Variants in SLC35D4 observed in about 807,000 individuals in gnomAD.
The protein encoded by SLC35D4 is UDP-N-acetylglucosamine transporter SLC35D4.
chr18:23,286,931 C>A, the SLC35D4 span, among the ~76,000 whole-genome samples: 2 of 151,576 alleles, frequency 1.3e-5, no homozygotes, highest in Non-Finnish European at 2.9e-5. Flanking sequence ...CTCTTGTATC[C>A]CCCCACCTTA....
chr18:23,319,787 A>G, the SLC35D4 span, among the ~76,000 whole-genome samples: 1 of 152,250 alleles, frequency 6.6e-6, no homozygotes, highest in Non-Finnish European at 1.5e-5. Flanking sequence ...GGCCAGATGC[A>G]TAAAATAAAA....
chr18:23,422,570 G>T, the SLC35D4 span, among the ~76,000 whole-genome samples: 1 of 152,036 alleles, frequency 6.6e-6, no homozygotes, highest in Non-Finnish European at 1.5e-5. Flanking sequence ...TCCCTTAACT[G>T]GTCCCCCTCT....
the SLC35D4 span, among the ~76,000 whole-genome samples, chr18:23,243,100 ATATC>A: frequency 2.6e-5 from 4 of 151,514 alleles, no homozygotes; most frequent in East Asian, 1.9e-4. Flanking sequence ...AACTATATAT[ATATC>A]TATTTCCATT....
the SLC35D4 span, among the ~76,000 whole-genome samples, chr18:23,412,697 G>T: frequency 6.6e-6 from 1 of 152,166 alleles, no homozygotes; most frequent in Non-Finnish European, 1.5e-5. Flanking sequence ...TTTAGAGATG[G>T]AGTCAAAGAA....
chr18:23,295,143 A>C, the SLC35D4 span, among the ~76,000 whole-genome samples: 1 of 151,514 alleles, frequency 6.6e-6, no homozygotes, highest in East Asian at 1.9e-4. Context: ...AAAGTTTGAC[A>C]TCCTAGATGA....
chr18:23,272,942 C>A, the SLC35D4 span, among the ~76,000 whole-genome samples: 1 of 152,204 alleles, frequency 6.6e-6, no homozygotes. Context: ...CCACCTCAGA[C>A]CAAACTTCCA....
At chr18:23,389,375 C>T in the SLC35D4 span, among the ~76,000 whole-genome samples, 7 of 152,054 alleles carry the variant, frequency 4.6e-5, no homozygotes, top group Non-Finnish European at 7.4e-5. Flanking sequence ...AAACCTATGC[C>T]TTTTTTAAAA....
chr18:23,346,607 G>A, the SLC35D4 span, among the ~76,000 whole-genome samples: 18 of 150,654 alleles, frequency 1.2e-4, no homozygotes, highest in African/African-American at 4.4e-4. Context: ...ACATTCTTAT[G>A]TTGCTCCTGA....
chr18:23,348,058 A>C, the SLC35D4 span, among the ~76,000 whole-genome samples: 2 of 152,198 alleles, frequency 1.3e-5, no homozygotes, highest in African/African-American at 4.8e-5. Flanking sequence ...ATTTGATTGA[A>C]AAATTTTAAT....
At chr18:23,363,909 T>C in the SLC35D4 span, among the ~76,000 whole-genome samples, 3 of 152,208 alleles carry the variant, frequency 2.0e-5, no homozygotes, top group Non-Finnish European at 4.4e-5. Flanking sequence ...ACAGCCAACC[T>C]TGGAGTTTTG....
the SLC35D4 span, among the ~76,000 whole-genome samples, chr18:23,413,832 T>A: frequency 6.6e-6 from 1 of 151,616 alleles, no homozygotes; most frequent in African/African-American, 2.4e-5. Flanking sequence ...TAGCCCCAGC[T>A]ACTTGGGAGA....
chr18:23,272,433 A>G, the SLC35D4 span, among the ~76,000 whole-genome samples: 2 of 152,208 alleles, frequency 1.3e-5, no homozygotes, highest in Non-Finnish European at 2.9e-5. Flanking sequence ...CAACAGAGCC[A>G]GACCCCATCT....
the SLC35D4 span, chr18:23,377,704 T>G: frequency 6.6e-7 from 1 of 1,505,586 alleles, no homozygotes; most frequent in Non-Finnish European, 8.8e-7. Flanking sequence ...ACAATTAGAC[T>G]TTTAAAACTT....
the SLC35D4 span, among the ~76,000 whole-genome samples, chr18:23,344,817 GTCT>G: frequency 6.6e-6 from 1 of 151,934 alleles, no homozygotes; most frequent in Non-Finnish European, 1.5e-5. Flanking sequence ...AGCCAGGATG[GTCT>G]TCATCTCCTC....
At chr18:23,252,247 AGT>A in the SLC35D4 span, among the ~76,000 whole-genome samples, 1 of 152,218 alleles carries the variant, frequency 6.6e-6, no homozygotes, top group East Asian at 1.9e-4. Flanking sequence ...TAATGGGCAG[AGT>A]GTTTCAATTG....
the SLC35D4 span, among the ~76,000 whole-genome samples, chr18:23,381,645 G>T: frequency 6.6e-6 from 1 of 152,214 alleles, no homozygotes; most frequent in Non-Finnish European, 1.5e-5. Context: ...AAGAAATGAT[G>T]TTTTGTGTTA....
the SLC35D4 span, among the ~76,000 whole-genome samples, chr18:23,276,699 C>T: frequency 5.3e-3 from 807 of 152,374 alleles, 5 homozygotes; most frequent in African/African-American, 0.015. Flanking sequence ...AAGTCAACCC[C>T]GGCGCTAGCC....
the SLC35D4 span, among the ~76,000 whole-genome samples, chr18:23,249,945 G>A: frequency 1.7e-4 from 26 of 152,314 alleles, no homozygotes; most frequent in African/African-American, 5.5e-4. Flanking sequence ...CCCTGCCTGC[G>A]GCTCACTCAG....
the SLC35D4 span, among the ~76,000 whole-genome samples, chr18:23,248,532 TTTTTTTAAA>T: frequency 1.5e-5 from 2 of 137,248 alleles, no homozygotes; most frequent in Admixed American, 8.4e-5. Context: ...TTTTTTTTTT[TTTTTTTAAA>T]AAAAGGCTGG....
Sources: allele counts gnomAD v4.1 joint callset (sites outside exome capture counted in the v4.1 genomes callset), GRCh38; gene constraint gnomAD v4.1.1; transcripts MANE v1.5; gene names NCBI Gene and HGNC (gene_info 2026-07-23, HGNC 2026-07-21).